The following TMEM150C variants were observed in gnomAD, a reference collection of about 807,000 sequenced individuals.
TMEM150C encodes tentonin 3.
A neutral mutation model predicts 29.9 loss-of-function variants in TMEM150C; 10 were observed. The ratio of observed to expected loss-of-function variants is 0.33; its 90% CI spans 0.21 to 0.57. The LOEUF (loss-of-function observed/expected upper bound fraction) is 0.57. Among genes scored for constraint, TMEM150C ranks in the 20% least tolerant of loss-of-function variants. The pLI is 0.88. For missense variants in TMEM150C, 251 were observed against 303.6 expected (o/e 0.83, Z 1.29); for synonymous variants, 101 against 112.5 (o/e 0.90, Z 0.64).
chr4:82,505,017 G>A (rs1190132591), intron 1 of TMEM150C, among the ~76,000 whole-genome samples: 6 of 151,986 alleles, frequency 3.9e-5, no homozygotes, highest in Admixed American at 1.3e-4. Flanking sequence ...GCGTCAGAGC[G>A]AGACTGTCTC....
chr4:82,536,289 C>T (rs571794324), intron 1 of TMEM150C, among the ~76,000 whole-genome samples: 78 of 139,764 alleles, frequency 5.6e-4, no homozygotes, highest in Admixed American at 7.1e-4. Flanking sequence ...ACCCGGGAGG[C>T]GGAGGTTGCC....
Position 82,483,971 on chromosome 4 carries a change from T to A in TMEM150C, c.*1540A>T, listed in dbSNP as rs1330545155. Reference sequence around the variant, plus strand: ...CACCAGGCTAATTTTGTATTTTTTTTAGTAGAGACGGGGTTTCTTCACATT... The same window carrying A: ...CACCAGGCTAATTTTGTATTTTTTTAAGTAGAGACGGGGTTTCTTCACATT... On this transcript the variant is annotated 3_prime_UTR_variant, in exon 8 of 8. Transcript: ENST00000449862. 1 of 151,986 alleles carries A rather than the reference T, an allele frequency of 6.6e-6. No homozygotes were observed. The highest frequency in any genetic ancestry group is 2.4e-5 in the African/African-American group (1 of 41,370). 9.4% of individuals were successfully genotyped at this position (151,986 alleles called of 1,614,324 possible).
chr4:82,508,988 C>G (rs1351199009), intron 1 of TMEM150C, among the ~76,000 whole-genome samples: 3 of 152,180 alleles, frequency 2.0e-5, no homozygotes, highest in Non-Finnish European at 4.4e-5. Context: ...TTGGAAGACT[C>G]TCCTCCAAAT....
chr4:82,536,964 GTTCAAC>G (rs1219673696), intron 1 of TMEM150C, among the ~76,000 whole-genome samples: 2 of 152,026 alleles, frequency 1.3e-5, no homozygotes, highest in Non-Finnish European at 2.9e-5. Flanking sequence ...CAAAAATTTT[GTTCAAC>G]TTCAACAATT....
intron 6 of TMEM150C, chr4:82,495,530 CTCTT>C (rs1022451282): frequency 1.1e-5 from 4 of 358,042 alleles, no homozygotes; most frequent in Non-Finnish European, 1.1e-5. Context: ...ATAGCCTTCT[CTCTT>C]TTTTTTCACA....
intron 6 of TMEM150C, chr4:82,494,819 T>C (rs1475608009): frequency 4.9e-6 from 2 of 408,992 alleles, no homozygotes; most frequent in Non-Finnish European, 9.4e-6. Flanking sequence ...TCTGATCTTA[T>C]TTGTTACTCA....
Position 82,490,319 on chromosome 4 carries a change from G to GA in TMEM150C, c.364-82_364-81insT, listed in dbSNP as rs1189250831. ...AAGTTGAAGGAATGAATATATGAGGGGAAAAGATAGGAAAAGAAATATCCC... is the reference window on the plus strand; with the variant it reads ...AAGTTGAAGGAATGAATATATGAGGGAGAAAAGATAGGAAAAGAAATATCCC... On this transcript the variant is annotated intron_variant, in intron 6 of 7. Coordinates refer to ENST00000449862, the MANE Select transcript of TMEM150C (RefSeq NM_001080506.3). 12 of 1,135,818 alleles carry GA rather than the reference G, an allele frequency of 1.1e-5. No homozygotes were observed. The Admixed American group carries it at 2.4e-4, about 23-fold the overall frequency. The allele number at this position is 1,135,818 out of a possible 1,614,324, so 70.4% of individuals were successfully genotyped here.
intron 1 of TMEM150C, among the ~76,000 whole-genome samples, chr4:82,532,782 G>C (rs1169315861): frequency 6.6e-6 from 1 of 150,736 alleles, no homozygotes; most frequent in African/African-American, 2.4e-5. Context: ...AGGCTGGAGT[G>C]CAGTGGCACG....
At chr4:82,513,306 A>G (rs1272238648) in intron 1 of TMEM150C, among the ~76,000 whole-genome samples, 2 of 152,216 alleles carry the variant, frequency 1.3e-5, no homozygotes, top group Non-Finnish European at 2.9e-5. Context: ...CAGGGTCTGA[A>G]GTGAACCTCC....
chr4:82,529,258 C>T (rs1293380713), intron 1 of TMEM150C, among the ~76,000 whole-genome samples: 1 of 148,628 alleles, frequency 6.7e-6, no homozygotes, highest in Non-Finnish European at 1.5e-5. Flanking sequence ...TCCCTCCCTC[C>T]CTCTCTCCCT....
At chr4:82,507,741 T>C (rs1723984713) in intron 1 of TMEM150C, among the ~76,000 whole-genome samples, 3 of 38,680 alleles carry the variant, frequency 7.8e-5, no homozygotes, top group Non-Finnish European at 1.3e-4. Context: ...TTTTTTTTTT[T>C]TTTTTTTTTT....
rs993010257 is a variant in TMEM150C, at chr4:82,520,518, G to C, written c.-10-15851C>G. 5.3e-5 allele frequency among the ~76,000 whole-genome samples: 8 copies of C among 152,188 alleles called. No individual in the cohort carries two copies. The East Asian group carries it at 1.3e-3, about 26-fold the overall frequency. On this transcript the variant is annotated intron_variant, in intron 1 of 7. Coordinates refer to ENST00000449862, the MANE Select transcript of TMEM150C (RefSeq NM_001080506.3). Reference sequence around the variant, plus strand: ...CCCAAAATCCTGAGCCAAAATAAGAGTTCAAACTGAACCACTCCTTGCTAC... The same window carrying C: ...CCCAAAATCCTGAGCCAAAATAAGACTTCAAACTGAACCACTCCTTGCTAC...
chr4:82,512,273 AC>A lies in TMEM150C; in HGVS notation c.-10-7607del, dbSNP rs145702308. On this transcript the variant is annotated intron_variant, in intron 1 of 7. Coordinates refer to ENST00000449862, the MANE Select transcript of TMEM150C (RefSeq NM_001080506.3). ...AACCACGAGACAAAAAAACATGAGG[AC>A]CCAAAGTCAACATACTGAGAATGGC... 9.8e-3 allele frequency among the ~76,000 whole-genome samples: 1,492 copies of A among 152,330 alleles called. 24 individuals are homozygous for A. The highest frequency in any genetic ancestry group is 0.027 in the African/African-American group (1,136 of 41,578).
chr4:82,494,895 C>A (rs1324264188), intron 6 of TMEM150C: 9 of 536,724 alleles, frequency 1.7e-5, no homozygotes, highest in Non-Finnish European at 1.4e-5. Flanking sequence ...AAGTCTGCGT[C>A]TCTTCACAAC....
intron 1 of TMEM150C, among the ~76,000 whole-genome samples, chr4:82,558,354 G>A (rs1171974590): frequency 6.6e-6 from 1 of 152,110 alleles, no homozygotes; most frequent in Non-Finnish European, 1.5e-5. Context: ...GTCCATCAAT[G>A]CAGAAAGTTC....
chr4:82,544,408 C>T (rs957598494), intron 1 of TMEM150C, among the ~76,000 whole-genome samples: 3 of 152,176 alleles, frequency 2.0e-5, no homozygotes, highest in South Asian at 2.1e-4. Context: ...ATTGAACATG[C>T]CTGATGGGCC....
At chr4:82,522,269 C>G (rs1168194713) in intron 1 of TMEM150C, among the ~76,000 whole-genome samples, 1 of 152,088 alleles carries the variant, frequency 6.6e-6, no homozygotes, top group African/African-American at 2.4e-5. Context: ...AATCCACAAG[C>G]GACCAAAGTG....
intron 1 of TMEM150C, among the ~76,000 whole-genome samples, chr4:82,507,638 G>A (rs574897326): frequency 6.0e-5 from 9 of 149,184 alleles, no homozygotes; most frequent in Non-Finnish European, 1.3e-4. Flanking sequence ...TCTCTGAGCT[G>A]CCTTGGCTTG....
At chr4:82,493,385 A>G (rs929362463) in intron 6 of TMEM150C, among the ~76,000 whole-genome samples, 1 of 152,208 alleles carries the variant, frequency 6.6e-6, no homozygotes, top group East Asian at 1.9e-4. Flanking sequence ...AAGATAATAT[A>G]GTTACATAGT....
Sources: gnomAD v4.1 joint callset for allele counts (sites outside exome capture counted in the v4.1 genomes callset) on GRCh38, gnomAD v4.1.1 for gene constraint, MANE v1.5 for transcripts, NCBI Gene and HGNC (gene_info 2026-07-23, HGNC 2026-07-21) for gene names.